AFF2: variants seen among roughly 807,000 people sequenced by gnomAD.
AFF2 encodes ALF transcription elongation factor 2.
In AFF2, 14 loss-of-function variants were observed where a neutral mutation model predicts 76.9. The ratio of observed to expected loss-of-function variants is 0.18; its 90% confidence interval spans 0.12 to 0.28. AFF2 has a LOEUF of 0.28. AFF2 is among the 10% of genes least tolerant of loss of function. AFF2 has a pLI of 1.00. For missense variants in AFF2, 868 were observed against 1,001.1 expected (o/e 0.87, Z 1.79); for synonymous variants, 398 against 366.7 (o/e 1.09, Z -0.98).
intron 7 of AFF2, among the ~76,000 whole-genome samples, chrX:148,858,185 A>G (rs2070807271): frequency 9.0e-6 from 1 of 111,595 alleles, no homozygotes; most frequent in Admixed American, 9.6e-5. Flanking sequence ...GGTAAAGTGG[A>G]TGAATCATGT....
chrX:148,555,689 A>G (rs1013077986), intron 1 of AFF2, among the ~76,000 whole-genome samples: 1 of 112,172 alleles, frequency 8.9e-6, no homozygotes, highest in African/African-American at 3.2e-5. Flanking sequence ...ATGACAGCCA[A>G]TGACTATAGG....
intron 3 of AFF2, among the ~76,000 whole-genome samples, chrX:148,808,978 A>G (rs2070170463): frequency 9.0e-6 from 1 of 111,313 alleles, no homozygotes; most frequent in South Asian, 3.9e-4. Flanking sequence ...TTGGGCTTTC[A>G]TCTTTCAAGG....
chrX:148,652,626 A>G (rs2054213421), intron 2 of AFF2, among the ~76,000 whole-genome samples: 1 of 111,988 alleles, frequency 8.9e-6, no homozygotes, highest in Non-Finnish European at 1.9e-5. Flanking sequence ...AAAAAAGCCA[A>G]TCATTTTTCC....
chrX:148,671,868 A>G (rs1334799528), intron 3 of AFF2, among the ~76,000 whole-genome samples: 1 of 110,103 alleles, frequency 9.1e-6, no homozygotes, highest in African/African-American at 3.3e-5. Flanking sequence ...TTTTGTCACC[A>G]CCCACTAAAA....
At chrX:148,784,272 C>T (rs2042020472) in intron 3 of AFF2, among the ~76,000 whole-genome samples, 1 of 112,307 alleles carries the variant, frequency 8.9e-6, no homozygotes, top group African/African-American at 3.2e-5. Context: ...TTTTGGGTCT[C>T]TTCCTTGCCA....
chrX:148,666,045 A>G (rs1487022606), intron 3 of AFF2, among the ~76,000 whole-genome samples: 2 of 112,045 alleles, frequency 1.8e-5, no homozygotes, highest in African/African-American at 6.5e-5. Flanking sequence ...AGATAACATT[A>G]TATTTATGAA....
intron 3 of AFF2, among the ~76,000 whole-genome samples, chrX:148,695,360 T>C (rs1008643172): frequency 8.9e-6 from 1 of 111,821 alleles, no homozygotes; most frequent in East Asian, 2.8e-4. Flanking sequence ...TCTGAGATAA[T>C]GACACTCTAG....
chrX:148,708,604 C>G (rs1304017152), intron 3 of AFF2, among the ~76,000 whole-genome samples: 1 of 112,222 alleles, frequency 8.9e-6, no homozygotes, highest in Admixed American at 9.5e-5. Context: ...GTCCCAGATA[C>G]TCGAGCGACT....
intron 9 of AFF2, among the ~76,000 whole-genome samples, chrX:148,943,427 T>C (rs73614027): frequency 0.013 from 1,420 of 111,949 alleles, 23 homozygotes; most frequent in African/African-American, 0.044. Flanking sequence ...TTGAGTCTTA[T>C]TGCTTTCTGA....
Position 148,662,728 on chromosome X carries a change from A to G in AFF2, c.1001A>G (p.Lys334Arg). 1 of 1,211,008 alleles carries G rather than the reference A, an allele frequency of 8.3e-7. No homozygotes were observed. Among genetic ancestry groups the G allele is most frequent in the Non-Finnish European group, 1.1e-6 (1 of 894,724 alleles). Residue 334 changes from lysine to arginine, a missense_variant, in exon 3 of 21, where the codon AAG becomes AGG. Physicochemically the swap from Lys to Arg is conservative, Grantham distance 26. Around this residue, in one of 6 missense-constraint regions of AFF2, gnomAD observed 532 missense variants for 564.2 expected, o/e 0.94. Transcript: ENST00000370460. ...GGAAAACCCAGTGCAGCCAGTTCAAAGACTAAACTGCCAAAGTTCACCATC... is the reference window on the plus strand; with the variant it reads ...GGAAAACCCAGTGCAGCCAGTTCAAGGACTAAACTGCCAAAGTTCACCATC... ...LDGKPSAASS[K>R]TKLPKFTILQ...
intron 9 of AFF2, among the ~76,000 whole-genome samples, chrX:148,946,362 A>C (rs1359522478): frequency 1.8e-5 from 2 of 112,466 alleles, no homozygotes; most frequent in Non-Finnish European, 3.8e-5. Flanking sequence ...AGGGAAACTA[A>C]ATTTTACAAA....
intron 7 of AFF2, among the ~76,000 whole-genome samples, chrX:148,850,129 T>C (rs782691835): frequency 8.9e-6 from 1 of 111,777 alleles, no homozygotes; most frequent in East Asian, 2.8e-4. Context: ...GATCTATTCC[T>C]GCAAGAGACT....
intron 3 of AFF2, among the ~76,000 whole-genome samples, chrX:148,704,226 A>G (rs1211664793): frequency 4.1e-5 from 4 of 98,720 alleles, no homozygotes; most frequent in African/African-American, 1.5e-4. Flanking sequence ...CTATATATAT[A>G]TGTGTGTATA....
chrX:148,612,969 A>G (rs532395401), intron 1 of AFF2, among the ~76,000 whole-genome samples: 22 of 111,692 alleles, frequency 2.0e-4, no homozygotes, highest in African/African-American at 6.8e-4. Context: ...GACTATAATA[A>G]TGATCACATC....
chrX:148,947,183 C>T (rs781967722), intron 9 of AFF2, among the ~76,000 whole-genome samples: 3 of 112,280 alleles, frequency 2.7e-5, no homozygotes, highest in South Asian at 3.7e-4. Flanking sequence ...CTAGTGTATA[C>T]ATGTTAGGCA....
intron 1 of AFF2, among the ~76,000 whole-genome samples, chrX:148,584,899 G>T (rs900172552): frequency 2.7e-5 from 3 of 111,687 alleles, no homozygotes; most frequent in Non-Finnish European, 5.6e-5. Context: ...GGACATAAAA[G>T]AAACATGAGA....
rs1298919997 is a variant in AFF2 at position 148,861,046 on chromosome X, G to T, written c.1262+17613G>T. On this transcript the variant is annotated intron_variant, in intron 7 of 20. Coordinates refer to ENST00000370460, the MANE Select transcript of AFF2 (RefSeq NM_002025.4). Reference sequence around the variant, plus strand: ...AAATTGAGCTTCTAAGATTTAAAAAGAAAAGATCCAATTGTGTTTATTTGT... The same window carrying T: ...AAATTGAGCTTCTAAGATTTAAAAATAAAAGATCCAATTGTGTTTATTTGT... Among the ~76,000 whole-genome samples the T allele has an allele frequency of 3.6e-5, 4 of 111,579 alleles. No homozygotes were observed. In the Admixed American group the frequency reaches 3.8e-4, roughly 11 times the overall value.
At chrX:148,551,482 G>GAAAAAAAAAAAAAAAAAAAAAA (rs781883999) in intron 1 of AFF2, among the ~76,000 whole-genome samples, 1 of 37,999 alleles carries the variant, frequency 2.6e-5, no homozygotes, top group Admixed American at 4.5e-4. Flanking sequence ...GCTGGGAAGT[G>GAAAAAAAAAAAAAAAAAAAAAA]AAAAAAAAAA....
intron 3 of AFF2, among the ~76,000 whole-genome samples, chrX:148,704,249 T>C (rs2054839279): frequency 9.8e-6 from 1 of 101,781 alleles, no homozygotes; most frequent in African/African-American, 3.6e-5. Context: ...TATATTTATA[T>C]ATATATGTGT....
Sources: allele counts gnomAD v4.1 joint callset (sites outside exome capture counted in the v4.1 genomes callset), GRCh38; gene constraint gnomAD v4.1.1; regional missense constraint gnomAD v4.1.1; transcripts MANE v1.5; gene names NCBI Gene and HGNC (gene_info 2026-07-23, HGNC 2026-07-21).